Variants in CAPN10 observed in about 807,000 individuals in gnomAD.
CAPN10 encodes calpain-10.
A neutral mutation model predicts 78.4 loss-of-function variants in CAPN10; 71 were observed. The ratio of observed to expected loss-of-function variants is 0.91; its 90% CI spans 0.75 to 1.10. The LOEUF (loss-of-function observed/expected upper bound fraction) is 1.10, where lower values mean the gene tolerates loss of function less well. Among genes scored for constraint, CAPN10 ranks in the 50% least tolerant of loss-of-function variants. The pLI is 0.00. For missense variants in CAPN10, 849 were observed against 924.6 expected (o/e 0.92, Z 1.06); for synonymous variants, 437 against 407.2 (o/e 1.07, Z -0.88).
chr2:240,591,007 G>T lies in CAPN10; in HGVS notation c.466G>T (p.Ala156Ser). 1.2e-6 allele frequency: 2 copies of T among 1,613,496 alleles called. No homozygotes were observed. Among genetic ancestry groups the T allele is most frequent in the Non-Finnish European group, 1.7e-6 (2 of 1,179,630 alleles). ...FWLPLLEKVY[A>S]KVHGSYEHLW... ...GCTCCCCTTACTGGAAAAGGTCTAC[G>T]CCAAGTGCGTGTGCTGGGGGCTGAA... The change falls in exon 3 of 12, where the codon GCC becomes TCC. Residue 156 changes from alanine (A) to serine (S), a missense_variant. Physicochemically the swap from Ala to Ser is moderately conservative, Grantham distance 99 (BLOSUM62 1). Transcript: ENST00000391984.
At chr2:240,598,292 C>A in intron 10 of CAPN10, 60 bp from the exon 11 acceptor site, 1 of 1,586,864 alleles carries the variant, frequency 6.3e-7, no homozygotes, top group Non-Finnish European at 8.7e-7. Context: ...GGGCCAGGAG[C>A]ACACAGCCAC....
At chr2:240,597,002 C>T (rs1247652666) in intron 9 of CAPN10, 60 bp downstream of exon 9, 8 of 1,600,128 alleles carry the variant, frequency 5.0e-6, no homozygotes, top group East Asian at 2.2e-5. Flanking sequence ...GAATTTGCAT[C>T]TTGGCCTCCA....
In CAPN10 at chr2:240,595,402, ACT is replaced by A. The variant is rs766464619; in HGVS notation, c.1278+101_1278+102del. The A allele has an allele frequency of 6.1e-6, 8 of 1,319,010 alleles. No individual in the cohort carries two copies. In the East Asian group the frequency reaches 1.8e-4, roughly 29 times the overall value. The allele number at this position is 1,319,010 out of a possible 1,614,324, so 81.7% of individuals were successfully genotyped here. A position where few individuals can be genotyped will look rare whatever the true frequency, so the allele number is the denominator to read the frequency against. On this transcript the variant is annotated intron_variant, in intron 7 of 11. Transcript: ENST00000391984. ...GACTGGCTCTGCCGGGACACATGTG[ACT>A]CTGCCACGGGCCCCACCAGTCTCCC...
Position 240,586,805 on chromosome 2 carries a change from C to A in CAPN10, c.-107C>A. The A allele has an allele frequency of 1.8e-6, 2 of 1,135,988 alleles. No individual in the cohort carries two copies. The highest frequency in any genetic ancestry group is 2.3e-6 in the Non-Finnish European group (2 of 882,568). 70.4% of individuals were successfully genotyped at this position (1,135,988 alleles called of 1,614,324 possible). A position where few individuals can be genotyped will look rare whatever the true frequency, so the allele number is the denominator to read the frequency against. ...CTCGGGCTTGGAGGGCTGGGCCGGG[C>A]GGGGAACGGGCGGGGCGGGCCGGAG... is the stretch of plus-strand genomic sequence containing the variant. On this transcript the variant is annotated 5_prime_UTR_variant, in exon 1 of 12. Transcript: ENST00000391984.
chr2:240,589,668 G>A (rs2093089299), intron 2 of CAPN10, 194 bp downstream of exon 2: 1 of 706,910 alleles, frequency 1.4e-6, no homozygotes, highest in East Asian at 2.8e-5. Context: ...AGGGGGGGGT[G>A]CCTTGGCCTC....
intron 7 of CAPN10, 168 bp downstream of exon 7, chr2:240,595,472 C>A: frequency 1.4e-6 from 1 of 697,670 alleles, no homozygotes; most frequent in Non-Finnish European, 2.4e-6. Flanking sequence ...TGCTGGTGCT[C>A]CCAGACCCGG....
At chr2:240,590,629 G>A (rs898626548) in intron 2 of CAPN10, 186 bp from the exon 3 acceptor site, 10 of 585,034 alleles carry the variant, frequency 1.7e-5, no homozygotes, top group Admixed American at 9.0e-5. Flanking sequence ...GTGTGCCGTA[G>A]AGTTCTCTGC....
chr2:240,591,229 T>C (rs1249113112), intron 3 of CAPN10: 1 of 555,528 alleles, frequency 1.8e-6, no homozygotes, highest in Non-Finnish European at 3.2e-6. Flanking sequence ...CCTTCCCTTG[T>C]TCCAAAGCCC....
chr2:240,597,327 G>A (rs917020083), intron 9 of CAPN10, among the ~76,000 whole-genome samples: 1 of 152,214 alleles, frequency 6.6e-6, no homozygotes, highest in African/African-American at 2.4e-5. Flanking sequence ...TGAGAGGAGG[G>A]GAGGCCCAGG....
chr2:240,587,643 A>G (rs1413861365), intron 1 of CAPN10, among the ~76,000 whole-genome samples: 1 of 152,226 alleles, frequency 6.6e-6, no homozygotes, highest in African/African-American at 2.4e-5. Context: ...AGCGGAGACA[A>G]CTGATGGCCG....
chr2:240,597,012 A>G (rs1413916385), intron 9 of CAPN10, 70 bp downstream of exon 9: 3 of 1,586,712 alleles, frequency 1.9e-6, no homozygotes, highest in East Asian at 2.2e-5. Context: ...CTTGGCCTCC[A>G]TTGTCCCAAC....
At chr2:240,587,959 C>T (rs2093078531) in intron 1 of CAPN10, among the ~76,000 whole-genome samples, 1 of 152,098 alleles carries the variant, frequency 6.6e-6, no homozygotes, top group South Asian at 2.1e-4. Flanking sequence ...TGTAGTGGTC[C>T]TGGAGAAAGA....
chr2:240,598,232 G>A (rs1276883490), intron 10 of CAPN10, 120 bp from the exon 11 acceptor site: 1 of 1,419,244 alleles, frequency 7.0e-7, no homozygotes, highest in African/African-American at 1.4e-5. Context: ...TGCCTACCTG[G>A]GGACCCTTCC....
At chr2:240,594,205 C>T (rs1348002883) in intron 5 of CAPN10, 158 bp downstream of exon 5, 7 of 818,894 alleles carry the variant, frequency 8.5e-6, no homozygotes, top group South Asian at 2.3e-5. Context: ...GTCTTGGCTC[C>T]AGGCAATCCT....
At chr2:240,594,294 C>G (rs2093121729) in intron 5 of CAPN10, 1 of 596,250 alleles carries the variant, frequency 1.7e-6, no homozygotes, top group Non-Finnish European at 2.9e-6. Flanking sequence ...GGGCAGCAGT[C>G]CTGGGAAGAC....
In CAPN10 at chr2:240,594,560, A is replaced by C; in HGVS notation, c.848A>C (p.Gln283Pro). ...TCTTCCAGGGGTGAAGGGTGGAGCC[A>C]GGTAGATGCAGCGGTAGCATCTGAG... Reference protein sequence around the residue: ...LWREGGEGWSQVDAAVASELL... With the variant: ...LWREGGEGWSPVDAAVASELL... Residue 283 changes from glutamine to proline, a missense_variant, in exon 6 of 12, where the codon CAG becomes CCG. By Grantham distance (76) the Gln-to-Pro change is moderately conservative. Coordinates refer to ENST00000391984, the MANE Select transcript of CAPN10 (RefSeq NM_023083.4). 6.2e-7 allele frequency: 1 copy of C among 1,613,604 alleles called. No homozygotes were observed. Among genetic ancestry groups the C allele is most frequent in the Non-Finnish European group, 8.5e-7 (1 of 1,179,794 alleles).
At chr2:240,594,327 T>C (rs2093121915) in intron 5 of CAPN10, 1 of 632,538 alleles carries the variant, frequency 1.6e-6, no homozygotes, top group Admixed American at 2.7e-5. Flanking sequence ...GTGAAGTTCC[T>C]CTGGGAAAAG....
chr2:240,592,145 G>GAGC lies in CAPN10; in HGVS notation c.686_688dup (p.Ala229dup), dbSNP rs772615032. 1 of 1,561,690 alleles carries GAGC rather than the reference G, an allele frequency of 6.4e-7. No individual in the cohort carries two copies. The highest frequency in any genetic ancestry group is 8.7e-7 in the Non-Finnish European group (1 of 1,153,166). ...ATCAGCTGCTGCGTGCTCAGCCCCA[G>GAGC]AGCAGGTGAGGCACGTGGCCAGCAT... On this transcript the variant is annotated inframe_insertion, in exon 4 of 12. Coordinates refer to ENST00000391984, the MANE Select transcript of CAPN10 (RefSeq NM_023083.4).
chr2:240,592,414 A>G, intron 4 of CAPN10: 3 of 692,860 alleles, frequency 4.3e-6, no homozygotes, highest in Admixed American at 4.1e-5. Flanking sequence ...GTCAAAGCCC[A>G]CTGTCTGTGC....
Sources: allele counts gnomAD v4.1 joint callset (sites outside exome capture counted in the v4.1 genomes callset), GRCh38; gene constraint gnomAD v4.1.1; transcripts MANE v1.5; gene names NCBI Gene and HGNC (gene_info 2026-07-23, HGNC 2026-07-21).